The following CLIP2 variants were observed in gnomAD, a reference collection of about 807,000 sequenced individuals.
CLIP2 encodes the protein CAP-Gly domain containing linker protein 2, also known as CAP-Gly domain-containing linker protein 2.
CLIP2 carries 41 observed loss-of-function variants against 111.7 expected under a neutral mutation model. The observed-to-expected ratio is 0.37, with a 90% confidence interval of 0.29 to 0.48. The LOEUF (loss-of-function observed/expected upper bound fraction) is 0.48, where lower values mean the gene tolerates loss of function less well. Among genes scored for constraint, CLIP2 ranks in the 20% least tolerant of loss-of-function variants. The pLI is 0.99. For synonymous variants in CLIP2, 660 were observed against 644.2 expected, an observed-to-expected ratio of 1.02 and a Z score of -0.37; for missense variants, 1,160 against 1,422.1, an observed-to-expected ratio of 0.82 and a Z score of 2.96.
chr7:74,354,116 A>G lies in CLIP2; in HGVS notation c.803+112A>G, dbSNP rs76929946. ...GCGAGTGTCCAGCATGTAGTGTCAG[A>G]CACCATAAGTCCTTTCCCATTCCCT... On this transcript the variant is annotated intron_variant, in intron 4 of 16. Coordinates refer to ENST00000223398, the MANE Select transcript of CLIP2 (RefSeq NM_003388.5). 881 of 1,304,094 alleles carry G rather than the reference A, an allele frequency of 6.8e-4. 7 individuals are homozygous for G. The East Asian group carries it at 0.014, about 20-fold the overall frequency. The allele number at this position is 1,304,094 out of a possible 1,614,324, so 80.8% of individuals were successfully genotyped here. A position where few individuals can be genotyped will look rare whatever the true frequency, so the allele number is the denominator to read the frequency against.
intron 1 of CLIP2, among the ~76,000 whole-genome samples, chr7:74,290,062 T>G (rs1787969366): frequency 6.6e-6 from 1 of 152,180 alleles, no homozygotes; most frequent in Non-Finnish European, 1.5e-5. Flanking sequence ...GTTTGGCCCT[T>G]CTGTTGGAGG....
intron 1 of CLIP2, among the ~76,000 whole-genome samples, chr7:74,290,883 G>GC (rs1554725271): frequency 6.6e-6 from 1 of 152,142 alleles, no homozygotes; most frequent in East Asian, 1.9e-4. Flanking sequence ...AAAAAGTGCA[G>GC]CCCCGGGGGT....
Position 74,394,008 on chromosome 7 carries a change from C to T in CLIP2, c.2721-3066C>T, listed in dbSNP as rs1455346895. Among the ~76,000 whole-genome samples the T allele has an allele frequency of 5.3e-5, 8 of 152,124 alleles. No homozygotes were observed. In the East Asian group the frequency reaches 5.8e-4, roughly 11 times the overall value. On this transcript the variant is annotated intron_variant, in intron 13 of 16. Transcript: ENST00000223398. ...TCTCACTTTCTCCGAGGAAGCTTTCCGCCCTATCTCAGCCGCAGGATGCCC... is the reference window on the plus strand; with the variant it reads ...TCTCACTTTCTCCGAGGAAGCTTTCTGCCCTATCTCAGCCGCAGGATGCCC...
chr7:74,377,718 A>G (rs1470927506), intron 10 of CLIP2, among the ~76,000 whole-genome samples: 1 of 152,204 alleles, frequency 6.6e-6, no homozygotes, highest in African/African-American at 2.4e-5. Flanking sequence ...GCTGACAGAG[A>G]GTGCCCAAGA....
intron 7 of CLIP2, 71 bp from the exon 8 acceptor site, chr7:74,364,184 C>T: frequency 2.2e-6 from 3 of 1,388,702 alleles, no homozygotes; most frequent in African/African-American, 1.4e-5. Flanking sequence ...CCTCTCTCTG[C>T]TGTTGCTCAT....
At chr7:74,372,600 G>GGA (rs1554312115) in intron 8 of CLIP2, among the ~76,000 whole-genome samples, 1,551 of 151,950 alleles carry the variant, frequency 0.01, 26 homozygotes, top group African/African-American at 0.036. Context: ...GGTTGGGGGG[G>GGA]ACAGAAAAGC....
intron 3 of CLIP2, among the ~76,000 whole-genome samples, chr7:74,348,467 G>T (rs946874934): frequency 6.6e-6 from 1 of 151,884 alleles, no homozygotes; most frequent in Admixed American, 6.6e-5. Context: ...ATCAGCCTGG[G>T]CAACATACTG....
rs782095268 is a variant in CLIP2, at chr7:74,376,647, T to C, written c.2246T>C (p.Ile749Thr). The stretch of plus-strand genomic sequence containing the variant: ...GAGTACCGGGGCCAGGCGCAGGCTA[T>C]CGAGTTCCTCAAGGAGCAGATCTCG... ...DVEYRGQAQA[I>T]EFLKEQISLA... The change falls in exon 10 of 17, where the codon ATC becomes ACC. Residue 749 changes from isoleucine to threonine, a missense_variant. Around this residue, in one of 5 missense-constraint regions of CLIP2, gnomAD observed 676 missense variants for 777.8 expected, o/e 0.87. Coordinates refer to ENST00000223398, the MANE Select transcript of CLIP2 (RefSeq NM_003388.5). The surrounding 1 kb of genome is among the most constrained non-coding windows in gnomAD (Gnocchi z 7.1). The C allele has an allele frequency of 3.1e-6, 5 of 1,613,346 alleles. No homozygotes were observed. The highest frequency in any genetic ancestry group is 1.3e-5 in the African/African-American group (1 of 74,900).
At chr7:74,294,314 G>T (rs1788111627) in intron 1 of CLIP2, among the ~76,000 whole-genome samples, 1 of 152,206 alleles carries the variant, frequency 6.6e-6, no homozygotes, top group Admixed American at 6.5e-5. Context: ...ACTCATGTTT[G>T]CAGAGGAAAT....
chr7:74,347,555 A>T (rs977642605), intron 3 of CLIP2, among the ~76,000 whole-genome samples: 1 of 152,230 alleles, frequency 6.6e-6, no homozygotes, highest in Admixed American at 6.5e-5. Flanking sequence ...GGCGTGAGCC[A>T]CCGCGTCCGG....
At chr7:74,305,172 C>T (rs1584309146) in intron 1 of CLIP2, among the ~76,000 whole-genome samples, 1 of 152,158 alleles carries the variant, frequency 6.6e-6, no homozygotes, top group Non-Finnish European at 1.5e-5. Flanking sequence ...AGGCACTGTG[C>T]CATCCGTGCC....
At chr7:74,340,655 G>A (rs1789632508) in intron 3 of CLIP2, among the ~76,000 whole-genome samples, 1 of 152,126 alleles carries the variant, frequency 6.6e-6, no homozygotes, top group Admixed American at 6.6e-5. Context: ...GTGGTAGTCA[G>A]GTGGATGGGA....
intron 9 of CLIP2, among the ~76,000 whole-genome samples, chr7:74,374,889 AAG>A (rs1790731705): frequency 6.6e-6 from 1 of 152,172 alleles, no homozygotes; most frequent in Non-Finnish European, 1.5e-5. Flanking sequence ...TGGAGCCTCT[AAG>A]AGTTTTTTGT....
chr7:74,295,947 C>T (rs1350795598), intron 1 of CLIP2, among the ~76,000 whole-genome samples: 5 of 148,668 alleles, frequency 3.4e-5, no homozygotes, highest in Non-Finnish European at 7.4e-5. Flanking sequence ...TATGATCGTG[C>T]CACTGCACTC....
chr7:74,385,122 C>CA (rs71094780), intron 11 of CLIP2, among the ~76,000 whole-genome samples: 17,400 of 51,590 alleles, frequency 0.34, 1,503 homozygotes, highest in Middle Eastern at 0.38. Context: ...ATTAAAAATA[C>CA]AAAAAAAAAA....
At chr7:74,295,828 G>A (rs782298836) in intron 1 of CLIP2, among the ~76,000 whole-genome samples, 1 of 151,844 alleles carries the variant, frequency 6.6e-6, no homozygotes, top group Non-Finnish European at 1.5e-5. Flanking sequence ...AACAGAGCCA[G>A]ACTTCATCTC....
At chr7:74,331,624 A>C (rs1412903022) in intron 2 of CLIP2, among the ~76,000 whole-genome samples, 4 of 121,440 alleles carry the variant, frequency 3.3e-5, no homozygotes, top group Non-Finnish European at 6.3e-5. Flanking sequence ...GACTGGAGTG[A>C]GTGCAGTGGC....
At chr7:74,303,784 C>T (rs1788403343) in intron 1 of CLIP2, among the ~76,000 whole-genome samples, 2 of 151,498 alleles carry the variant, frequency 1.3e-5, no homozygotes, top group South Asian at 4.2e-4. Context: ...TGGTGGTGCA[C>T]TCCTGTGGGC....
chr7:74,333,554 TCACTGCAGCCTC>T (rs1181668266), intron 2 of CLIP2, among the ~76,000 whole-genome samples: 2 of 151,974 alleles, frequency 1.3e-5, no homozygotes, highest in Non-Finnish European at 2.9e-5. Context: ...AGATCATGGC[TCACTGCAGCCTC>T]CACTCCCTGG....
Sources: gnomAD v4.1 joint callset for allele counts (sites outside exome capture counted in the v4.1 genomes callset) on GRCh38, gnomAD v4.1.1 for gene constraint, gnomAD v4.1.1 regional missense constraint, Gnocchi (gnomAD v3.1) non-coding constraint, MANE v1.5 for transcripts, NCBI Gene and HGNC (gene_info 2026-07-23, HGNC 2026-07-21) for gene names.